The following RBM33 variants were observed in gnomAD, a reference collection of about 807,000 sequenced individuals.
RBM33 encodes RNA binding motif protein 33.
In RBM33, 28 loss-of-function variants were observed where a neutral mutation model predicts 132.6. That is an observed-to-expected ratio of 0.21 (90% CI 0.16 to 0.29). RBM33 has a LOEUF of 0.29. RBM33 is among the 10% of genes least tolerant of loss of function. The pLI is 1.00. For synonymous variants in RBM33, 634 were observed against 593.0 expected, an observed-to-expected ratio of 1.07 and a Z score of -1.01; for missense variants, 1,291 against 1,518.5, an observed-to-expected ratio of 0.85 and a Z score of 2.49.
intron 9 of RBM33, among the ~76,000 whole-genome samples, chr7:155,734,564 G>C (rs954285114): frequency 6.6e-6 from 1 of 152,152 alleles, no homozygotes; most frequent in African/African-American, 2.4e-5. Flanking sequence ...TTCAGGCTGT[G>C]ATATTGTCTC....
intron 2 of RBM33, among the ~76,000 whole-genome samples, chr7:155,671,948 T>A (rs1798953314): frequency 6.6e-6 from 1 of 152,186 alleles, no homozygotes; most frequent in Admixed American, 6.5e-5. Flanking sequence ...TCTGTTTTAG[T>A]TGTAAAAATA....
Position 155,766,529 on chromosome 7 carries a change from A to G in RBM33, c.3249A>G (p.Pro1083=). 1 of 1,613,796 alleles carries G rather than the reference A, an allele frequency of 6.2e-7. No individual in the cohort carries two copies. Among genetic ancestry groups the G allele is most frequent in the Admixed American group, 1.7e-5 (1 of 59,972 alleles). Residue 1083 remains proline (P), a synonymous_variant, in exon 16 of 18, where the codon CCA becomes CCG. Coordinates refer to ENST00000401878, the MANE Select transcript of RBM33 (RefSeq NM_053043.3). ...AGPMGRGRLM[P]NKQNLRVVEC... Reference sequence around the variant, plus strand: ...CCATGGGCCGGGGGCGCCTGATGCCAAACAAGCAGAACCTGCGGGTGGTGG... The same window carrying G: ...CCATGGGCCGGGGGCGCCTGATGCCGAACAAGCAGAACCTGCGGGTGGTGG...
intron 14 of RBM33, among the ~76,000 whole-genome samples, chr7:155,762,648 C>T (rs530374325): frequency 6.6e-6 from 1 of 152,286 alleles, no homozygotes; most frequent in South Asian, 2.1e-4. Flanking sequence ...CTTCTTTTTG[C>T]AGAGCCCTTT....
chr7:155,761,656 C>G (rs569812903), intron 14 of RBM33, among the ~76,000 whole-genome samples: 30 of 152,170 alleles, frequency 2.0e-4, no homozygotes, highest in Middle Eastern at 6.8e-3. Context: ...TTTGGTAATT[C>G]ATCTTCTTTC....
intron 1 of RBM33, among the ~76,000 whole-genome samples, chr7:155,654,493 T>G (rs756263351): frequency 5.3e-5 from 8 of 152,234 alleles, no homozygotes; most frequent in Non-Finnish European, 1.0e-4. Flanking sequence ...CCCAAATCTT[T>G]ACCACCTTTT....
intron 5 of RBM33, among the ~76,000 whole-genome samples, chr7:155,697,857 TAA>T (rs1799840263): frequency 6.6e-6 from 1 of 152,198 alleles, no homozygotes; most frequent in African/African-American, 2.4e-5. Flanking sequence ...TATTAAGGAT[TAA>T]AAATAAATCT....
chr7:155,644,953 C>A, intron 1 of RBM33, 34 bp downstream of exon 1: 2 of 1,465,002 alleles, frequency 1.4e-6, no homozygotes, highest in Non-Finnish European at 9.0e-7. Context: ...GGGGCCAGGA[C>A]CGCGCCGCGG....
At position 155,737,563 on chromosome 7, in the gene RBM33, C is replaced by T; in HGVS notation, c.1294C>T (p.Pro432Ser). 3 of 1,613,162 alleles carry T rather than the reference C, an allele frequency of 1.9e-6. No individual in the cohort carries two copies. Among genetic ancestry groups the T allele is most frequent in the Non-Finnish European group, 2.5e-6 (3 of 1,179,620 alleles). Residue 432 changes from proline to serine, a missense_variant, in exon 10 of 18, where the codon CCT becomes TCT. By Grantham distance (74) the Pro-to-Ser change is moderately conservative. Coordinates refer to ENST00000401878, the MANE Select transcript of RBM33 (RefSeq NM_053043.3). ...AGAATTTCCACAGCATACACCTGGA[C>T]CTGTTCCCAACAGTTTCAGCCAGCC... Reference protein sequence around the residue: ...PPEFPQHTPGPVPNSFSQPPR... With the variant: ...PPEFPQHTPGSVPNSFSQPPR...
chr7:155,695,569 C>T (rs910208723), intron 5 of RBM33, among the ~76,000 whole-genome samples: 2 of 152,112 alleles, frequency 1.3e-5, no homozygotes, highest in Non-Finnish European at 1.5e-5. Context: ...ATGTGATTCT[C>T]CTGCCTCAGC....
At chr7:155,707,321 G>T in intron 7 of RBM33, 1 of 609,272 alleles carries the variant, frequency 1.6e-6, no homozygotes, top group Non-Finnish European at 3.1e-6. Context: ...ATTAATGAGC[G>T]ACCTGATGCC....
At position 155,769,210 on chromosome 7, in the gene RBM33, A is replaced by G. The variant is rs142072106; in HGVS notation, c.3375+2555A>G. 5.5e-3 allele frequency among the ~76,000 whole-genome samples: 836 copies of G among 150,742 alleles called. 4 individuals carry two copies. The highest frequency in any genetic ancestry group is 0.01 in the Middle Eastern group (3 of 292). On this transcript the variant is annotated intron_variant, in intron 16 of 17. Transcript: ENST00000401878. Reference sequence around the variant, plus strand: ...GAACTTGATTCTTCGAAGACTAGATATTTTTTTTTTCTGTCTACTCATAAA... The same window carrying G: ...GAACTTGATTCTTCGAAGACTAGATGTTTTTTTTTTCTGTCTACTCATAAA...
chr7:155,650,395 T>C (rs796293008), intron 1 of RBM33, among the ~76,000 whole-genome samples: 14 of 152,340 alleles, frequency 9.2e-5, no homozygotes, highest in African/African-American at 3.1e-4. Flanking sequence ...TGTTCTTTAA[T>C]CTCTTAATGT....
chr7:155,716,316 G>GTGTTTTTTT (rs550734927), intron 8 of RBM33, among the ~76,000 whole-genome samples: 47 of 102,376 alleles, frequency 4.6e-4, no homozygotes, highest in African/African-American at 1.7e-3. Flanking sequence ...CTTTTCTGCT[G>GTGTTTTTTT]TTTTTTTTTT....
chr7:155,658,545 C>T (rs1209828187), intron 1 of RBM33, among the ~76,000 whole-genome samples: 6 of 152,014 alleles, frequency 3.9e-5, no homozygotes, highest in South Asian at 4.1e-4. Context: ...GGATAACAGG[C>T]GCTCGCCACC....
chr7:155,682,088 T>A (rs1218863879), intron 5 of RBM33, among the ~76,000 whole-genome samples: 2 of 152,076 alleles, frequency 1.3e-5, no homozygotes, highest in African/African-American at 4.8e-5. Context: ...GCCTGGCTGA[T>A]TTTTGTATTT....
chr7:155,648,821 A>G (rs924842665), intron 1 of RBM33, among the ~76,000 whole-genome samples: 6 of 152,160 alleles, frequency 3.9e-5, no homozygotes, highest in African/African-American at 1.2e-4. Flanking sequence ...AGTTTGAAAT[A>G]TTTCATCCTA....
Position 155,738,370 on chromosome 7 carries a change from G to A in RBM33, c.1704G>A (p.Pro568=), listed in dbSNP as rs751161103. The change falls in exon 11 of 18, where the codon CCG becomes CCA. Residue 568 remains proline, a synonymous_variant. Coordinates refer to ENST00000401878, the MANE Select transcript of RBM33 (RefSeq NM_053043.3). The part of the protein sequence containing the change: ...RQPFLPGPGQ[P]FLPTHTQPNL... Reference sequence around the variant, plus strand: ...CGTTCCTGCCAGGCCCAGGACAGCCGTTTCTGCCCACACACACACAGCCCA... The same window carrying A: ...CGTTCCTGCCAGGCCCAGGACAGCCATTTCTGCCCACACACACACAGCCCA... 18 of 1,613,658 alleles carry A rather than the reference G, an allele frequency of 1.1e-5. No individual in the cohort carries two copies. Among genetic ancestry groups the A allele is most frequent in the Non-Finnish European group, 1.4e-5 (17 of 1,179,796 alleles).
Position 155,700,893 on chromosome 7 carries a change from A to C in RBM33, c.688A>C (p.Ile230Leu). ...FKTERKEGTI[I>L]RLSDVTRERR... ...AACTGAAAGGAAAGAAGGAACAATT[A>C]TTAGGCTCTCAGATGTAACTAGAGA... The change falls in exon 6 of 18, where the codon ATT becomes CTT. Residue 230 changes from isoleucine to leucine, a missense_variant. By Grantham distance (5) the Ile-to-Leu change is conservative (BLOSUM62 2). Transcript: ENST00000401878. 1 of 1,613,250 alleles carries C rather than the reference A, an allele frequency of 6.2e-7. No individual in the cohort carries two copies. Among genetic ancestry groups the C allele is most frequent in the African/African-American group, 1.3e-5 (1 of 75,042 alleles).
chr7:155,693,093 A>G (rs1188815362), intron 5 of RBM33, among the ~76,000 whole-genome samples: 1 of 152,202 alleles, frequency 6.6e-6, no homozygotes, highest in Non-Finnish European at 1.5e-5. Context: ...AAAAACAAAA[A>G]GTCTATGTAG....
Sources: allele counts gnomAD v4.1 joint callset (sites outside exome capture counted in the v4.1 genomes callset), GRCh38; gene constraint gnomAD v4.1.1; transcripts MANE v1.5; gene names NCBI Gene and HGNC (gene_info 2026-07-23, HGNC 2026-07-21).